SLC5A4: variants seen among roughly 807,000 people sequenced by gnomAD.
SLC5A4 encodes probable glucose sensor protein SLC5A4.
Under a neutral mutation model 70.3 loss-of-function variants are expected in SLC5A4, and 55 were observed. The ratio of observed to expected loss-of-function variants is 0.78; its 90% CI spans 0.63 to 0.98. SLC5A4 has a LOEUF of 0.98. Ranked by LOEUF, SLC5A4 falls within the 50% of genes least tolerant of loss-of-function variation. SLC5A4 has a pLI of 0.00. For missense variants in SLC5A4, 735 were observed against 839.2 expected (o/e 0.88, Z 1.53); for synonymous variants, 268 against 305.7 (o/e 0.88, Z 1.29).
At chr22:32,344,776 A>T in the SLC5A4 span, among the ~76,000 whole-genome samples, 2 of 152,192 alleles carry the variant, frequency 1.3e-5, no homozygotes, top group Non-Finnish European at 2.9e-5. Context: ...AACAAACTTC[A>T]TAATTTTATA....
chr22:32,292,055 G>A, the SLC5A4 span, among the ~76,000 whole-genome samples: 1 of 137,750 alleles, frequency 7.3e-6, no homozygotes, highest in Non-Finnish European at 1.5e-5. Flanking sequence ...TATATTTTTA[G>A]TAGAGACGGG....
chr22:32,308,492 A>G, the SLC5A4 span, among the ~76,000 whole-genome samples: 1 of 152,184 alleles, frequency 6.6e-6, no homozygotes, highest in East Asian at 1.9e-4. Flanking sequence ...CCACACCCAC[A>G]GCCCTAGTCT....
chr22:32,320,550 C>CCA, the SLC5A4 span, among the ~76,000 whole-genome samples: 1 of 152,196 alleles, frequency 6.6e-6, no homozygotes, highest in Non-Finnish European at 1.5e-5. Flanking sequence ...CTGTCCTCAG[C>CCA]CACCTCCCAT....
the SLC5A4 span, among the ~76,000 whole-genome samples, chr22:32,312,281 C>T: frequency 2.0e-5 from 3 of 151,778 alleles, no homozygotes; most frequent in Admixed American, 6.6e-5. Context: ...GAAGGTAACC[C>T]GCGCCCATCA....
the SLC5A4 span, among the ~76,000 whole-genome samples, chr22:32,323,614 A>C: frequency 6.6e-6 from 1 of 152,212 alleles, no homozygotes; most frequent in Non-Finnish European, 1.5e-5. Flanking sequence ...GTTGGAACAG[A>C]GGGAGCCCAG....
the SLC5A4 span, among the ~76,000 whole-genome samples, chr22:32,335,641 C>T: frequency 0.16 from 24,767 of 152,182 alleles, 2,484 homozygotes; most frequent in African/African-American, 0.28. Flanking sequence ...CTGGGCAGCA[C>T]GGAGTCCGGT....
At chr22:32,349,310 A>C in the SLC5A4 span, among the ~76,000 whole-genome samples, 1 of 152,272 alleles carries the variant, frequency 6.6e-6, no homozygotes, top group African/African-American at 2.4e-5. Flanking sequence ...AACAGGTAAT[A>C]TTTCTTTTTA....
At chr22:32,319,820 A>C in the SLC5A4 span, among the ~76,000 whole-genome samples, 1 of 152,162 alleles carries the variant, frequency 6.6e-6, no homozygotes, top group South Asian at 2.1e-4. Context: ...CATTTTAAAA[A>C]CTGTCTGCAG....
the SLC5A4 span, among the ~76,000 whole-genome samples, chr22:32,345,105 G>T: frequency 1.3e-5 from 2 of 152,022 alleles, no homozygotes; most frequent in Admixed American, 6.6e-5. Flanking sequence ...TGTATTAACT[G>T]CAAAAGCTGT....
In SLC5A4 at chr22:32,239,545, T is replaced by TAA. The variant is rs1569374773; in HGVS notation, c.478-456_478-455insTT. Among the ~76,000 whole-genome samples, 43 of 12,472 alleles carry TAA rather than the reference T, an allele frequency of 3.4e-3. No homozygotes were observed. In the African/African-American group the frequency reaches 0.036, roughly 11 times the overall value. 8.2% of individuals were successfully genotyped at this position (12,472 alleles called of 152,430 possible). On this transcript the variant is annotated intron_variant, in intron 5 of 14. Coordinates refer to ENST00000266086, the MANE Select transcript of SLC5A4 (RefSeq NM_014227.3). ...ATATATATATATATATATATATATA[T>TAA]ATATATATATATATATATATATATT...
At chr22:32,331,506 T>A in the SLC5A4 span, among the ~76,000 whole-genome samples, 4 of 152,106 alleles carry the variant, frequency 2.6e-5, no homozygotes, top group Admixed American at 6.5e-5. Context: ...GGGCGCCGCA[T>A]AATCTAAATA....
At chr22:32,332,491 C>A in the SLC5A4 span, among the ~76,000 whole-genome samples, 1 of 152,234 alleles carries the variant, frequency 6.6e-6, no homozygotes, top group Non-Finnish European at 1.5e-5. Context: ...CCCCGAGAGG[C>A]AGGGCCAGGC....
At chr22:32,248,909 C>A in intron 3 of SLC5A4, 107 bp from the exon 4 acceptor site, 1 of 732,712 alleles carries the variant, frequency 1.4e-6, no homozygotes, top group South Asian at 1.6e-5. Flanking sequence ...AAAGTTGGCT[C>A]AATCCTGTCC....
the SLC5A4 span, among the ~76,000 whole-genome samples, chr22:32,263,995 C>A: frequency 2.0e-5 from 3 of 151,942 alleles, no homozygotes; most frequent in Non-Finnish European, 4.4e-5. Flanking sequence ...GGGAGTTGAA[C>A]AATAACACAT....
the SLC5A4 span, chr22:32,269,521 G>A: frequency 1.7e-4 from 104 of 604,784 alleles, no homozygotes; most frequent in African/African-American, 7.2e-4. The surrounding 1 kb of genome is among the most constrained non-coding windows in gnomAD (Gnocchi z 4.1). Flanking sequence ...GGCAGGACAC[G>A]TGCTCCATCG....
chr22:32,254,007 C>T (rs2235170), intron 2 of SLC5A4, 135 bp downstream of exon 2: 36,474 of 759,170 alleles, frequency 0.048, 1,420 homozygotes, highest in African/African-American at 0.17. Context: ...TCTCGAACTC[C>T]TGACCTCAGA....
At chr22:32,260,234 C>T (rs761563802), upstream of SLC5A4, among the ~76,000 whole-genome samples, 6 of 151,922 alleles carry the variant, frequency 3.9e-5, no homozygotes, top group Non-Finnish European at 8.8e-5. Flanking sequence ...GGAAGGGTGC[C>T]CCACTTCCTC....
intron 2 of SLC5A4, 118 bp from the exon 3 acceptor site, chr22:32,251,992 G>A: frequency 3.0e-6 from 2 of 668,782 alleles, no homozygotes; most frequent in Non-Finnish European, 5.3e-6. Flanking sequence ...CACTTTGGGA[G>A]GCTGAGGCGG....
chr22:32,294,702 T>C, the SLC5A4 span, among the ~76,000 whole-genome samples: 2 of 148,192 alleles, frequency 1.3e-5, no homozygotes, highest in East Asian at 2.0e-4. Flanking sequence ...TTAGGGTACA[T>C]GTGCACATTG....
Sources: gnomAD v4.1 joint callset for allele counts (sites outside exome capture counted in the v4.1 genomes callset) on GRCh38, gnomAD v4.1.1 for gene constraint, Gnocchi (gnomAD v3.1) non-coding constraint, MANE v1.5 for transcripts, NCBI Gene and HGNC (gene_info 2026-07-23, HGNC 2026-07-21) for gene names.